BMP7: variants seen among roughly 807,000 people sequenced by gnomAD.
The protein encoded by BMP7 is bone morphogenetic protein 7, also known as osteogenic protein 1.
BMP7 carries 12 observed loss-of-function variants against 41.2 expected under a neutral mutation model. That is an observed-to-expected ratio of 0.29 (90% CI 0.19 to 0.47). The LOEUF (loss-of-function observed/expected upper bound fraction) is 0.47. Ranked by LOEUF, BMP7 falls within the 20% of genes least tolerant of loss-of-function variation. The pLI is 0.99. For missense variants in BMP7, 467 were observed against 606.0 expected (o/e 0.77, Z 2.41); for synonymous variants, 248 against 250.0 (o/e 0.99, Z 0.07).
chr20:57,198,567 G>C (rs1984555371), intron 3 of BMP7, among the ~76,000 whole-genome samples: 1 of 152,182 alleles, frequency 6.6e-6, no homozygotes, highest in Non-Finnish European at 1.5e-5. Flanking sequence ...GCCTGGAGCA[G>C]AGCCCCAGCT....
chr20:57,195,771 G>A (rs1181410663), intron 3 of BMP7, among the ~76,000 whole-genome samples: 2 of 152,234 alleles, frequency 1.3e-5, no homozygotes, highest in East Asian at 3.9e-4. Flanking sequence ...AATTCAATCT[G>A]GAGTGAGCAT....
intron 2 of BMP7, among the ~76,000 whole-genome samples, chr20:57,221,537 G>A (rs962213627): frequency 6.6e-5 from 10 of 152,306 alleles, no homozygotes; most frequent in African/African-American, 2.4e-4. Context: ...GTGGGAGCAG[G>A]CACGGTGGTT....
intron 1 of BMP7, among the ~76,000 whole-genome samples, chr20:57,240,688 C>A (rs1374730973): frequency 6.6e-6 from 1 of 152,150 alleles, no homozygotes; most frequent in African/African-American, 2.4e-5. Context: ...AGAATCATGG[C>A]AAGAGGTGAA....
chr20:57,175,661 T>C (rs1487639451), intron 4 of BMP7, among the ~76,000 whole-genome samples: 3 of 152,236 alleles, frequency 2.0e-5, no homozygotes, highest in Non-Finnish European at 4.4e-5. Flanking sequence ...CTTGTAAACA[T>C]TGCAGAAGTG....
chr20:57,175,467 G>A (rs1001098005), intron 4 of BMP7, among the ~76,000 whole-genome samples: 8 of 152,180 alleles, frequency 5.3e-5, no homozygotes, highest in South Asian at 2.1e-4. Flanking sequence ...AAGAGGATGC[G>A]GGACAGGGCC....
intron 2 of BMP7, among the ~76,000 whole-genome samples, chr20:57,217,241 C>A (rs536250262): frequency 6.6e-6 from 1 of 152,254 alleles, no homozygotes; most frequent in Non-Finnish European, 1.5e-5. Flanking sequence ...AGAGGCTGAG[C>A]CCGCTCCCTA....
intron 1 of BMP7, among the ~76,000 whole-genome samples, chr20:57,247,832 C>T (rs569421239): frequency 1.3e-5 from 2 of 152,196 alleles, no homozygotes; most frequent in South Asian, 4.1e-4. Context: ...AGCTCCACCC[C>T]AGCCTCTGCT....
chr20:57,179,633 G>C (rs145542948), intron 4 of BMP7, among the ~76,000 whole-genome samples: 1,835 of 152,378 alleles, frequency 0.012, 41 homozygotes, highest in South Asian at 0.098. Context: ...GATTCAACTT[G>C]TGTGGCTCCA....
Position 57,266,160 on chromosome 20 carries a change from G to C in BMP7, c.-38C>G. ...ACGCGCTACCCGGGCTCCGGGCTCC[G>C]GGCCCGCACCGCCCCAGGTGGCAGA... On this transcript the variant is annotated 5_prime_UTR_variant, in exon 1 of 7. Transcript: ENST00000395863. The C allele has an allele frequency of 6.8e-7, 1 of 1,477,330 alleles. No homozygotes were observed. The highest frequency in any genetic ancestry group is 8.9e-7 in the Non-Finnish European group (1 of 1,121,366). 91.5% of individuals were successfully genotyped at this position (1,477,330 alleles called of 1,614,324 possible).
At chr20:57,208,839 T>G (rs1427405670) in intron 2 of BMP7, among the ~76,000 whole-genome samples, 2 of 152,266 alleles carry the variant, frequency 1.3e-5, no homozygotes, top group East Asian at 3.9e-4. Context: ...AAAGATTGCA[T>G]AGTATATGAG....
At chr20:57,176,508 A>C (rs1188499768) in intron 4 of BMP7, among the ~76,000 whole-genome samples, 1 of 151,990 alleles carries the variant, frequency 6.6e-6, no homozygotes, top group Non-Finnish European at 1.5e-5. Flanking sequence ...AGAGGTGTAG[A>C]CCCTGGAGCA....
At chr20:57,210,648 CTG>C (rs1406396142) in intron 2 of BMP7, among the ~76,000 whole-genome samples, 21 of 152,340 alleles carry the variant, frequency 1.4e-4, no homozygotes, top group Non-Finnish European at 2.9e-4. Flanking sequence ...CTCTCTGGCC[CTG>C]AGGCACCCAG....
intron 1 of BMP7, among the ~76,000 whole-genome samples, chr20:57,256,565 C>T (rs902562525): frequency 4.6e-5 from 7 of 152,148 alleles, no homozygotes; most frequent in Non-Finnish European, 2.9e-5. Context: ...GGGGTACATA[C>T]CCTAAATAGA....
Position 57,247,984 on chromosome 20 carries a change from T to C in BMP7, c.418+17721A>G, listed in dbSNP as rs74839794. ...ACTGGCTGTTGGCTAGAGTTCTATA[T>C]AGTCCTCAAAGTTAGAGCTAATGTA... On this transcript the variant is annotated intron_variant, in intron 1 of 6. Coordinates refer to ENST00000395863, the MANE Select transcript of BMP7 (RefSeq NM_001719.3). Among the ~76,000 whole-genome samples the C allele has an allele frequency of 3.5e-4, 54 of 152,306 alleles. 2 individuals are homozygous for C. The East Asian group carries it at 0.01, about 29-fold the overall frequency.
In BMP7 at chr20:57,202,686, C is replaced by T. The variant is rs1984651468; in HGVS notation, c.612-63G>A. 1.2e-5 allele frequency: 18 copies of T among 1,503,372 alleles called. No individual in the cohort carries two copies. The South Asian group carries it at 1.9e-4, about 16-fold the overall frequency. The allele number at this position is 1,503,372 out of a possible 1,614,324, so 93.1% of individuals were successfully genotyped here. A position where few individuals can be genotyped will look rare whatever the true frequency, so the allele number is the denominator to read the frequency against. ...CCAGGTCACAGCTCCACTACCCCAA[C>T]AGATGGGAAGCAGAGCCTCATGGGG... On this transcript the variant is annotated intron_variant, in intron 2 of 6. Transcript: ENST00000395863.
At chr20:57,225,877 G>A (rs1456782940) in intron 2 of BMP7, 14 of 471,216 alleles carry the variant, frequency 3.0e-5, no homozygotes, top group Non-Finnish European at 5.7e-5. Flanking sequence ...CTCCTCTGCT[G>A]GAACGTGAGC....
intron 1 of BMP7, among the ~76,000 whole-genome samples, chr20:57,238,547 T>C: frequency 6.6e-6 from 1 of 152,316 alleles, no homozygotes; most frequent in South Asian, 2.1e-4. Context: ...CCATAGTGGC[T>C]ACAGCATTTT....
chr20:57,201,067 C>T (rs1197893009), intron 3 of BMP7, among the ~76,000 whole-genome samples: 1 of 152,212 alleles, frequency 6.6e-6, no homozygotes, highest in African/African-American at 2.4e-5. Flanking sequence ...CAGGGACCAG[C>T]AGCTTCTGTC....
chr20:57,192,387 G>A (rs1010671483), intron 3 of BMP7, among the ~76,000 whole-genome samples: 13 of 148,218 alleles, frequency 8.8e-5, no homozygotes, highest in Admixed American at 4.8e-4. Flanking sequence ...GTAGGTGCTC[G>A]TGTACAGATG....
Sources: allele counts gnomAD v4.1 joint callset (sites outside exome capture counted in the v4.1 genomes callset), GRCh38; gene constraint gnomAD v4.1.1; transcripts MANE v1.5; gene names NCBI Gene and HGNC (gene_info 2026-07-23, HGNC 2026-07-21).